MATN2: variants seen among roughly 807,000 people sequenced by gnomAD.
The protein encoded by MATN2 is matrilin 2, also known as matrilin-2.
Under a neutral mutation model 103.2 loss-of-function variants are expected in MATN2, and 69 were observed. The observed-to-expected ratio is 0.67, with a 90% CI of 0.55 to 0.82. The LOEUF (loss-of-function observed/expected upper bound fraction) is 0.82. MATN2 is among the 40% of genes least tolerant of loss of function. The pLI, the probability that MATN2 is intolerant of heterozygous loss-of-function variation, is 0.00. For synonymous variants in MATN2, 429 were observed against 450.2 expected (o/e 0.95, Z 0.60); for missense variants, 1,023 against 1,211.5 (o/e 0.84, Z 2.31).
chr8:97,877,224 T>C (rs1408456668), intron 1 of MATN2, among the ~76,000 whole-genome samples: 1 of 152,006 alleles, frequency 6.6e-6, no homozygotes, highest in Non-Finnish European at 1.5e-5. Flanking sequence ...ATGCCCATAA[T>C]CCTAACACTT....
At chr8:97,890,484 A>G (rs1818591410) in intron 2 of MATN2, among the ~76,000 whole-genome samples, 1 of 151,894 alleles carries the variant, frequency 6.6e-6, no homozygotes, top group Non-Finnish European at 1.5e-5. Context: ...AAAAAAAGAA[A>G]ATAGTGGAGT....
At position 98,005,423 on chromosome 8, in the gene MATN2, A is replaced by G. The variant is rs1299497461; in HGVS notation, c.1327+1640A>G. Among the ~76,000 whole-genome samples the G allele has an allele frequency of 6.6e-6, 1 of 151,868 alleles. No homozygotes were observed. The highest frequency in any genetic ancestry group is 6.6e-5 in the Admixed American group (1 of 15,252). On this transcript the variant is annotated intron_variant, in intron 8 of 18. Coordinates refer to ENST00000254898, the MANE Select transcript of MATN2 (RefSeq NM_002380.5). The surrounding 1 kb of genome is among the most constrained non-coding windows in gnomAD (Gnocchi z 4.6). ...GGTCTGCCAGCTGATGGCCCTGGCA[A>G]TTTTCCCAGGGCAGGTGGTCCTGAC...
chr8:97,943,327 G>A (rs1049381429), intron 4 of MATN2, among the ~76,000 whole-genome samples: 2 of 150,642 alleles, frequency 1.3e-5, no homozygotes, highest in East Asian at 2.0e-4. Flanking sequence ...CCTCTGCCCC[G>A]GATGCTTCTC....
chr8:98,023,256 C>CA (rs1203424794), intron 13 of MATN2, among the ~76,000 whole-genome samples: 1 of 151,452 alleles, frequency 6.6e-6, no homozygotes, highest in African/African-American at 2.4e-5. Context: ...GGCTCTGTCT[C>CA]AAAAAAACAA....
At chr8:97,956,657 C>G (rs1281254442) in intron 4 of MATN2, among the ~76,000 whole-genome samples, 1 of 152,156 alleles carries the variant, frequency 6.6e-6, no homozygotes, top group East Asian at 1.9e-4. Context: ...GCTGCTTCTG[C>G]CCCAGCCCTC....
At chr8:97,888,340 C>T in intron 2 of MATN2, 98 bp downstream of exon 2, 1 of 1,325,540 alleles carries the variant, frequency 7.5e-7, no homozygotes, top group East Asian at 2.9e-5. Context: ...GCTTTCCTTT[C>T]CCTGGGTCCT....
intron 7 of MATN2, among the ~76,000 whole-genome samples, chr8:98,000,969 A>T (rs1458608043): frequency 6.6e-6 from 1 of 152,258 alleles, no homozygotes; most frequent in East Asian, 1.9e-4. Flanking sequence ...CTGATCGTGA[A>T]GGAAGATAGA....
intron 6 of MATN2, among the ~76,000 whole-genome samples, chr8:97,979,686 C>T (rs1397428038): frequency 6.6e-6 from 1 of 152,118 alleles, no homozygotes; most frequent in Non-Finnish European, 1.5e-5. Flanking sequence ...TATTATCCTT[C>T]TATAGGGAGG....
intron 10 of MATN2, among the ~76,000 whole-genome samples, chr8:98,008,315 T>C (rs1201966474): frequency 6.6e-6 from 1 of 152,090 alleles, no homozygotes; most frequent in African/African-American, 2.4e-5. Flanking sequence ...AAATCCTGTT[T>C]CGAAGTGGAC....
chr8:97,882,712 C>T (rs1818292807), intron 1 of MATN2, among the ~76,000 whole-genome samples: 1 of 152,150 alleles, frequency 6.6e-6, no homozygotes, highest in African/African-American at 2.4e-5. Flanking sequence ...CCAGTTTCTT[C>T]ACATCTTCAC....
chr8:98,033,213 A>G, intron 17 of MATN2, 37 bp downstream of exon 17: 1 of 1,550,204 alleles, frequency 6.5e-7, no homozygotes, highest in Non-Finnish European at 8.7e-7. Flanking sequence ...AGATAACTTG[A>G]TCTCAGCCTT....
At chr8:98,012,452 G>C (rs956705164) in intron 10 of MATN2, among the ~76,000 whole-genome samples, 19 of 152,108 alleles carry the variant, frequency 1.2e-4, no homozygotes, top group Admixed American at 1.2e-3. Flanking sequence ...TGTTTAATCC[G>C]ACACCCAGAG....
rs372456344 is a variant in MATN2, at chr8:97,885,741, G to A, written c.-26-2334G>A. On this transcript the variant is annotated intron_variant, in intron 1 of 18. Coordinates refer to ENST00000254898, the MANE Select transcript of MATN2 (RefSeq NM_002380.5). ...TCGAGCCTGGGAGGTTGAGGCTGCC[G>A]TGAGCCATGATCACACCACTGCATT... Among the ~76,000 whole-genome samples the A allele has an allele frequency of 5.3e-5, 8 of 152,238 alleles. No individual in the cohort carries two copies. The South Asian group carries it at 8.3e-4, about 16-fold the overall frequency.
Position 98,012,250 on chromosome 8 carries a change from G to A in MATN2, c.1574-4290G>A, listed in dbSNP as rs1053902178. Reference sequence around the variant, plus strand: ...GGATCTCTGGGGTTGATGCAGATTCGGTTTGTGCCCTGACAGTGTTTAAAG... The same window carrying A: ...GGATCTCTGGGGTTGATGCAGATTCAGTTTGTGCCCTGACAGTGTTTAAAG... On this transcript the variant is annotated intron_variant, in intron 10 of 18. Transcript: ENST00000254898. 4.6e-5 allele frequency among the ~76,000 whole-genome samples: 7 copies of A among 152,196 alleles called. No homozygotes were observed. The South Asian group carries it at 1.0e-3, about 23-fold the overall frequency.
chr8:97,893,214 A>G (rs1222734670), intron 2 of MATN2, among the ~76,000 whole-genome samples: 2 of 152,138 alleles, frequency 1.3e-5, no homozygotes, highest in South Asian at 2.1e-4. Context: ...AGGAACGAGC[A>G]CCTGCTCTAG....
At chr8:97,904,268 T>C (rs568107562) in intron 2 of MATN2, among the ~76,000 whole-genome samples, 1 of 152,384 alleles carries the variant, frequency 6.6e-6, no homozygotes, top group Non-Finnish European at 1.5e-5. Flanking sequence ...ACTAATTTAA[T>C]TTCTTTAAAA....
chr8:98,012,363 C>A (rs1199744258), intron 10 of MATN2, among the ~76,000 whole-genome samples: 1 of 152,054 alleles, frequency 6.6e-6, no homozygotes, highest in African/African-American at 2.4e-5. Flanking sequence ...TGGGAGCACC[C>A]CCTAGTCTAG....
At position 97,887,960 on chromosome 8, in the gene MATN2, G is replaced by A. The variant is rs1818494429; in HGVS notation, c.-26-115G>A. On this transcript the variant is annotated intron_variant, in intron 1 of 18. Coordinates refer to ENST00000254898, the MANE Select transcript of MATN2 (RefSeq NM_002380.5). ...GCCAAACACACAAACGGCATTTTGA[G>A]TGCAAGTGGTCTGTTTGAACTCTGA... 11 of 949,256 alleles carry A rather than the reference G, an allele frequency of 1.2e-5. No individual in the cohort carries two copies. In the South Asian group the frequency reaches 1.9e-4, roughly 16 times the overall value. The allele number at this position is 949,256 out of a possible 1,614,324, so 58.8% of individuals were successfully genotyped here.
At chr8:97,914,430 G>A (rs1809552732) in intron 2 of MATN2, among the ~76,000 whole-genome samples, 1 of 125,810 alleles carries the variant, frequency 7.9e-6, no homozygotes, top group African/African-American at 3.0e-5. Flanking sequence ...GAGAGCAGTG[G>A]CACAATAATG....
Sources: gnomAD v4.1 joint callset for allele counts (sites outside exome capture counted in the v4.1 genomes callset) on GRCh38, gnomAD v4.1.1 for gene constraint, Gnocchi (gnomAD v3.1) non-coding constraint, MANE v1.5 for transcripts, NCBI Gene and HGNC (gene_info 2026-07-23, HGNC 2026-07-21) for gene names.